Variants in CCNB3 observed in about 807,000 individuals in gnomAD.
CCNB3 encodes cyclin B3.
Under a neutral mutation model 68.0 loss-of-function variants are expected in CCNB3, and 12 were observed. That is an observed-to-expected ratio of 0.18 (90% CI 0.11 to 0.29). The LOEUF is 0.29. CCNB3 is among the 10% of genes least tolerant of loss of function. The probability of loss-of-function intolerance (pLI) is 1.00; values close to 1 mark genes in which losing one functional copy is unlikely to be tolerated. For synonymous variants in CCNB3, 354 were observed against 388.9 expected (o/e 0.91, Z 1.06); for missense variants, 904 against 993.1 (o/e 0.91, Z 1.21).
chrX:50,297,681 G>C (rs1420225234), intron 5 of CCNB3, among the ~76,000 whole-genome samples: 3 of 111,885 alleles, frequency 2.7e-5, no homozygotes, highest in African/African-American at 9.7e-5. Context: ...GTCATTGGTA[G>C]CTTGATGGGG....
intron 1 of CCNB3, among the ~76,000 whole-genome samples, chrX:50,217,508 G>A (rs1461764363): frequency 9.1e-6 from 1 of 110,286 alleles, no homozygotes; most frequent in Non-Finnish European, 1.9e-5. Context: ...TCCTGACCTC[G>A]TGATCTGCCC....
At chrX:50,280,353 C>G (rs1292998087) in intron 1 of CCNB3, among the ~76,000 whole-genome samples, 1 of 102,535 alleles carries the variant, frequency 9.8e-6, no homozygotes, top group African/African-American at 3.5e-5. Flanking sequence ...GTTCCTGGCA[C>G]AAATCAGGTG....
chrX:50,203,197 G>C (rs1557205038), upstream of CCNB3, among the ~76,000 whole-genome samples: 1 of 111,582 alleles, frequency 9.0e-6, no homozygotes, highest in African/African-American at 3.3e-5. Flanking sequence ...GAATAAGAGT[G>C]CAAATCAATA....
intron 8 of CCNB3, among the ~76,000 whole-genome samples, chrX:50,333,535 C>T (rs915665879): frequency 4.5e-5 from 5 of 111,080 alleles, no homozygotes; most frequent in Non-Finnish European, 7.5e-5. Flanking sequence ...GTAGAAGTAC[C>T]GGCCCAACAA....
chrX:50,311,997 C>T (rs1921490064), intron 6 of CCNB3, among the ~76,000 whole-genome samples: 1 of 110,459 alleles, frequency 9.1e-6, no homozygotes, highest in Admixed American at 9.7e-5. Flanking sequence ...TTGTAATTTG[C>T]ATCACGGTGG....
chrX:50,213,459 C>T (rs1935515214), intron 1 of CCNB3, among the ~76,000 whole-genome samples: 1 of 111,055 alleles, frequency 9.0e-6, no homozygotes, highest in African/African-American at 3.3e-5. Context: ...GGATATTGGC[C>T]ATGGAGTTTT....
intron 1 of CCNB3, among the ~76,000 whole-genome samples, chrX:50,211,068 G>A: frequency 9.0e-6 from 1 of 110,986 alleles, no homozygotes; most frequent in Non-Finnish European, 1.9e-5. Flanking sequence ...TTCAAGACCA[G>A]CCTGGCCAAT....
chrX:50,340,819 A>G (rs184318677), intron 8 of CCNB3, among the ~76,000 whole-genome samples: 276 of 111,742 alleles, frequency 2.5e-3, no homozygotes, highest in Admixed American at 7.2e-3. Context: ...GATACATAAG[A>G]AAAAGAAACT....
intron 1 of CCNB3, among the ~76,000 whole-genome samples, chrX:50,279,817 G>C (rs1161910618): frequency 1.2e-5 from 1 of 80,444 alleles, no homozygotes; most frequent in Admixed American, 1.8e-4. Context: ...AATATATATG[G>C]TATTTATATA....
chrX:50,313,585 AC>A (rs1557215370), intron 7 of CCNB3, among the ~76,000 whole-genome samples: 1 of 111,677 alleles, frequency 9.0e-6, no homozygotes, highest in Non-Finnish European at 1.9e-5. Flanking sequence ...AAAGGGCAGA[AC>A]CTTTTTGGCA....
chrX:50,211,513 A>C lies in CCNB3; in HGVS notation c.-113+6563A>C, dbSNP rs1935482936. Among the ~76,000 whole-genome samples, 8 of 111,160 alleles carry C rather than the reference A, an allele frequency of 7.2e-5. No individual in the cohort carries two copies. In the South Asian group the frequency reaches 3.1e-3, roughly 43 times the overall value. ...AGCAAAACCTCGGTCTCTACCAAAC[A>C]AACAAACAAACAAAATATTAGCCTG... On this transcript the variant is annotated intron_variant, in intron 1 of 12. Transcript: ENST00000376042.
At position 50,210,187 on chromosome X, in the gene CCNB3, G is replaced by A. The variant is rs1935461179; in HGVS notation, c.-113+5237G>A. ...TTCTCTATTAGGCTTTAATACAGAG[G>A]TATAGGGAGGAGAAGAAAGGAGAGT... On this transcript the variant is annotated intron_variant, in intron 1 of 12. Coordinates refer to ENST00000376042, the MANE Select transcript of CCNB3 (RefSeq NM_033031.3). Among the ~76,000 whole-genome samples the A allele has an allele frequency of 1.8e-5, 2 of 111,191 alleles. 1 individual carries two copies. The highest frequency in any genetic ancestry group is 1.9e-4 in the Admixed American group (2 of 10,372).
chrX:50,227,839 A>G (rs1204730742), intron 1 of CCNB3, among the ~76,000 whole-genome samples: 1,139 of 83,973 alleles, frequency 0.014, 26 homozygotes, highest in African/African-American at 0.05. Context: ...AAATATATAT[A>G]GAGAATATAT....
intron 4 of CCNB3, 125 bp downstream of exon 4, chrX:50,289,012 C>T (rs1206354302): frequency 4.5e-6 from 2 of 440,566 alleles, no homozygotes; most frequent in African/African-American, 4.9e-5. Context: ...TATTTGGGAC[C>T]AATGACCCAG....
intron 1 of CCNB3, among the ~76,000 whole-genome samples, chrX:50,212,117 C>T (rs1486300871): frequency 1.8e-5 from 2 of 112,227 alleles, no homozygotes; most frequent in South Asian, 7.4e-4. Flanking sequence ...ATAATTCACA[C>T]ATCACATTCT....
At chrX:50,218,884 T>TTA (rs1935625580) in intron 1 of CCNB3, among the ~76,000 whole-genome samples, 1 of 111,741 alleles carries the variant, frequency 8.9e-6, no homozygotes, top group Admixed American at 9.5e-5. Context: ...TTGAACTAAT[T>TTA]TACACTCCCA....
At chrX:50,347,540 C>T (rs1923465328) in intron 10 of CCNB3, 86 bp from the exon 11 acceptor site, 3 of 949,315 alleles carry the variant, frequency 3.2e-6, no homozygotes, top group South Asian at 2.4e-5. Flanking sequence ...CACTGAGGCT[C>T]GGGATGATGT....
chrX:50,308,516 A>C lies in CCNB3; in HGVS notation c.347A>C (p.Glu116Ala). The change falls in exon 6 of 13, where the codon GAA becomes GCA. Residue 116 changes from glutamate (E) to alanine (A), a missense_variant. By Grantham distance (107) the Glu-to-Ala change is moderately radical. Around this residue, in one of 2 missense-constraint regions of CCNB3, gnomAD observed 619 missense variants for 609.8 expected, o/e 1.02. Coordinates refer to ENST00000376042, the MANE Select transcript of CCNB3 (RefSeq NM_033031.3). ...NKRNLKWHKL[E>A]VTPVVASTTV... The stretch of plus-strand genomic sequence containing the variant: ...TGTTTCCTTCACAGGCATAAGCTGG[A>C]AGTCACACCAGTAGTAGCCTCTACT... 1 of 1,191,116 alleles carries C rather than the reference A, an allele frequency of 8.4e-7. No homozygotes were observed.
At chrX:50,320,383 G>A (rs915323548) in intron 8 of CCNB3, among the ~76,000 whole-genome samples, 4 of 110,363 alleles carry the variant, frequency 3.6e-5, no homozygotes, top group African/African-American at 9.8e-5. Context: ...GGTCCCTTCC[G>A]TCTAAGCTGT....
Sources: allele counts gnomAD v4.1 joint callset (sites outside exome capture counted in the v4.1 genomes callset), GRCh38; gene constraint gnomAD v4.1.1; regional missense constraint gnomAD v4.1.1; transcripts MANE v1.5; gene names NCBI Gene and HGNC (gene_info 2026-07-23, HGNC 2026-07-21).